Variants in JPH3 observed in about 807,000 individuals in gnomAD.
JPH3 encodes junctophilin 3.
In JPH3, 11 loss-of-function variants were observed where a neutral mutation model predicts 59.6. The observed-to-expected ratio is 0.18, with a 90% CI of 0.12 to 0.31. The LOEUF (loss-of-function observed/expected upper bound fraction) is 0.31, where lower values mean the gene tolerates loss of function less well. Among genes scored for constraint, JPH3 ranks in the 10% least tolerant of loss-of-function variants. The probability of loss-of-function intolerance (pLI) is 1.00; values close to 1 mark genes in which losing one functional copy is unlikely to be tolerated. For missense variants in JPH3, 1,202 were observed against 1,105.7 expected (o/e 1.09, Z -1.24); for synonymous variants, 673 against 483.6 (o/e 1.39, Z -5.14).
chr16:87,647,749 A>G (rs1244385995), intron 2 of JPH3, among the ~76,000 whole-genome samples: 1 of 152,152 alleles, frequency 6.6e-6, no homozygotes, highest in Non-Finnish European at 1.5e-5. Flanking sequence ...CAGCACGTCC[A>G]TGCGCACCTG....
At chr16:87,695,900 C>A (rs2142852540) in intron 4 of JPH3, 1 of 455,950 alleles carries the variant, frequency 2.2e-6, no homozygotes, top group Non-Finnish European at 4.4e-6. Context: ...AAGGGGGAGT[C>A]TGGCACTTGG....
intron 1 of JPH3, among the ~76,000 whole-genome samples, chr16:87,612,391 C>G (rs979324461): frequency 1.3e-5 from 2 of 148,276 alleles, no homozygotes; most frequent in African/African-American, 4.8e-5. Context: ...TCCTGAAGTG[C>G]TTTTACAGGT....
At chr16:87,638,977 G>A (rs192384408) in intron 1 of JPH3, among the ~76,000 whole-genome samples, 41 of 152,300 alleles carry the variant, frequency 2.7e-4, no homozygotes, top group African/African-American at 9.9e-4. Context: ...GGGGAGGACA[G>A]GTGAACCTGG....
chr16:87,632,307 C>G (rs1210543207), intron 1 of JPH3, among the ~76,000 whole-genome samples: 1 of 152,244 alleles, frequency 6.6e-6, no homozygotes, highest in African/African-American at 2.4e-5. Flanking sequence ...AGTCCTCCCC[C>G]ACCCTCCTCT....
chr16:87,640,104 G>A (rs367669789), intron 1 of JPH3, among the ~76,000 whole-genome samples: 1 of 152,072 alleles, frequency 6.6e-6, no homozygotes, highest in Admixed American at 6.5e-5. Context: ...TGAGGTGGGC[G>A]GATCATGAGG....
intron 2 of JPH3, among the ~76,000 whole-genome samples, chr16:87,668,257 G>A (rs1008932216): frequency 1.3e-5 from 2 of 152,272 alleles, no homozygotes; most frequent in South Asian, 2.1e-4. Context: ...CGGCACATGC[G>A]TCTGACAGCA....
At chr16:87,633,463 G>T (rs2031629610) in intron 1 of JPH3, among the ~76,000 whole-genome samples, 2 of 150,512 alleles carry the variant, frequency 1.3e-5, no homozygotes, top group South Asian at 4.2e-4. Flanking sequence ...TAACTATTCA[G>T]AACTCCACTA....
Position 87,603,075 on chromosome 16 carries a change from G to T in JPH3, c.-72G>T, listed in dbSNP as rs2030320954. ...CGCTCGCGACCCAGGGCCGCCGGCG[G>T]CCGCGACTCTGCTGTGTCGATCGCC... On this transcript the variant is annotated 5_prime_UTR_variant, in exon 1 of 5. Transcript: ENST00000284262. The T allele has an allele frequency of 3.8e-6, 6 of 1,582,700 alleles. No homozygotes were observed. The highest frequency in any genetic ancestry group is 5.2e-6 in the Non-Finnish European group (6 of 1,160,048).
chr16:87,645,740 G>C (rs2032125679), intron 2 of JPH3, among the ~76,000 whole-genome samples: 1 of 152,188 alleles, frequency 6.6e-6, no homozygotes, highest in African/African-American at 2.4e-5. Context: ...TTTAGGGCTG[G>C]AGGAAGGTGC....
chr16:87,691,566 C>G (rs565964509), intron 4 of JPH3, among the ~76,000 whole-genome samples: 179 of 152,216 alleles, frequency 1.2e-3, no homozygotes, highest in Non-Finnish European at 2.1e-3. Flanking sequence ...TGTCCCTGCC[C>G]CTGACCTAGG....
At chr16:87,687,404 T>C (rs1321896868) in intron 3 of JPH3, among the ~76,000 whole-genome samples, 5 of 152,200 alleles carry the variant, frequency 3.3e-5, no homozygotes, top group Admixed American at 2.6e-4. Flanking sequence ...AGAGAGTGGC[T>C]GGCGCCAGCC....
chr16:87,692,906 C>G (rs371573447), intron 4 of JPH3, among the ~76,000 whole-genome samples: 1 of 152,226 alleles, frequency 6.6e-6, no homozygotes, highest in South Asian at 2.1e-4. Context: ...CTGACCACCC[C>G]ACTCTGTCCT....
Position 87,611,553 on chromosome 16 carries a change from G to A in JPH3, c.382+8025G>A, listed in dbSNP as rs1157500981. Among the ~76,000 whole-genome samples, 6 of 152,050 alleles carry A rather than the reference G, an allele frequency of 3.9e-5. No individual in the cohort carries two copies. The highest frequency in any genetic ancestry group is 2.1e-4 in the South Asian group (1 of 4,820). On this transcript the variant is annotated intron_variant, in intron 1 of 4. Coordinates refer to ENST00000284262, the MANE Select transcript of JPH3 (RefSeq NM_020655.4). This position sits in a 1 kb window ranked among gnomAD's most constrained non-coding sequence, Gnocchi z 4.5. The stretch of plus-strand genomic sequence containing the variant: ...ATTGTTCTGGACCCAGGGAAGGCTC[G>A]CTGGTGCAAATGCTTTCCAAAAACA...
chr16:87,619,806 G>A (rs956229662), intron 1 of JPH3, among the ~76,000 whole-genome samples: 2 of 152,188 alleles, frequency 1.3e-5, no homozygotes, highest in Admixed American at 6.5e-5. Context: ...AATAGGACCC[G>A]TCAGTCAGCC....
chr16:87,672,050 G>C (rs970094214), intron 2 of JPH3, among the ~76,000 whole-genome samples: 31 of 152,074 alleles, frequency 2.0e-4, no homozygotes, highest in Non-Finnish European at 1.5e-5. Flanking sequence ...GTGGAGATGC[G>C]GTGCCCTCGC....
At chr16:87,689,519 C>G (rs1363012849) in intron 3 of JPH3, 127 bp from the exon 4 acceptor site, 1 of 1,034,282 alleles carries the variant, frequency 9.7e-7, no homozygotes, top group Non-Finnish European at 1.4e-6. Context: ...TGCCTGCAGC[C>G]TTTCGGTGAG....
chr16:87,659,464 C>T (rs1241346674), intron 2 of JPH3, among the ~76,000 whole-genome samples: 1 of 151,542 alleles, frequency 6.6e-6, no homozygotes, highest in Non-Finnish European at 1.5e-5. Flanking sequence ...TGGCTCACGC[C>T]TATAATCCCA....
chr16:87,625,386 C>T (rs1388800748), intron 1 of JPH3, among the ~76,000 whole-genome samples: 1 of 152,194 alleles, frequency 6.6e-6, no homozygotes, highest in Non-Finnish European at 1.5e-5. Context: ...CCACACCAGC[C>T]CCCAGCAGCT....
chr16:87,642,611 C>T (rs1597255672), intron 1 of JPH3, among the ~76,000 whole-genome samples: 2 of 152,270 alleles, frequency 1.3e-5, no homozygotes, highest in South Asian at 4.1e-4. Flanking sequence ...GGACTCTGTT[C>T]TCCCCGCAAA....
Sources: gnomAD v4.1 joint callset for allele counts (sites outside exome capture counted in the v4.1 genomes callset) on GRCh38, gnomAD v4.1.1 for gene constraint, Gnocchi (gnomAD v3.1) non-coding constraint, MANE v1.5 for transcripts, NCBI Gene and HGNC (gene_info 2026-07-23, HGNC 2026-07-21) for gene names.